The following CACNG3 variants were observed in gnomAD, a reference collection of about 807,000 sequenced individuals.
The protein encoded by CACNG3 is voltage-dependent calcium channel gamma-3 subunit.
A neutral mutation model predicts 28.5 loss-of-function variants in CACNG3; 3 were observed. The observed-to-expected ratio is 0.11, with a 90% CI of 0.05 to 0.27. The LOEUF (loss-of-function observed/expected upper bound fraction) is 0.27. Ranked by LOEUF, CACNG3 falls within the 10% of genes least tolerant of loss-of-function variation. The pLI, the probability that CACNG3 is intolerant of heterozygous loss-of-function variation, is 1.00. For missense variants in CACNG3, 236 were observed against 414.4 expected (o/e 0.57, Z 3.74); for synonymous variants, 174 against 162.2 (o/e 1.07, Z -0.55).
chr16:24,322,222 G>C (rs1899471685), intron 1 of CACNG3, among the ~76,000 whole-genome samples: 1 of 152,132 alleles, frequency 6.6e-6, no homozygotes, highest in African/African-American at 2.4e-5. Context: ...GGATTGAAAT[G>C]CTCACGTCAG....
chr16:24,346,905 GC>G, intron 2 of CACNG3, 88 bp downstream of exon 2: 1 of 979,076 alleles, frequency 1.0e-6, no homozygotes, highest in Non-Finnish European at 1.6e-6. Flanking sequence ...AGCTTCCTCA[GC>G]ATCTGTCCCT....
At chr16:24,263,840 G>A (rs1483490506) in intron 1 of CACNG3, among the ~76,000 whole-genome samples, 1 of 152,220 alleles carries the variant, frequency 6.6e-6, no homozygotes, top group Non-Finnish European at 1.5e-5. Flanking sequence ...CATTTGCTAA[G>A]ACAAACAATA....
At chr16:24,343,992 G>A (rs1225322863) in intron 1 of CACNG3, among the ~76,000 whole-genome samples, 6 of 152,112 alleles carry the variant, frequency 3.9e-5, no homozygotes, top group Non-Finnish European at 7.3e-5. Flanking sequence ...AGGCGGCTGA[G>A]GCAGGAGAAT....
At chr16:24,328,748 A>G (rs1027976113) in intron 1 of CACNG3, among the ~76,000 whole-genome samples, 16 of 152,298 alleles carry the variant, frequency 1.1e-4, no homozygotes, top group East Asian at 3.9e-4. Context: ...ATCAGCTGCA[A>G]AGGCCTGGCA....
chr16:24,318,648 A>C (rs1191441064), intron 1 of CACNG3, among the ~76,000 whole-genome samples: 3 of 152,108 alleles, frequency 2.0e-5, no homozygotes, highest in African/African-American at 7.2e-5. Context: ...AAGGATAATA[A>C]ATGTCCTTGT....
At chr16:24,300,460 C>A (rs1231842912) in intron 1 of CACNG3, among the ~76,000 whole-genome samples, 1 of 152,156 alleles carries the variant, frequency 6.6e-6, no homozygotes, top group African/African-American at 2.4e-5. Flanking sequence ...AACCAGAAAT[C>A]TACATTTTTG....
intron 1 of CACNG3, among the ~76,000 whole-genome samples, chr16:24,265,392 AAG>A (rs1898590646): frequency 1.3e-5 from 2 of 150,298 alleles, no homozygotes; most frequent in African/African-American, 4.9e-5. Context: ...GAAAAGAAAG[AAG>A]AAAGAAAGAA....
chr16:24,256,456 C>A lies in CACNG3; in HGVS notation c.-299C>A. The A allele has an allele frequency of 2.6e-6, 1 of 385,622 alleles. No individual in the cohort carries two copies. The highest frequency in any genetic ancestry group is 4.8e-6 in the Non-Finnish European group (1 of 207,942). The allele number at this position is 385,622 out of a possible 1,614,324, so 23.9% of individuals were successfully genotyped here. A position where few individuals can be genotyped will look rare whatever the true frequency, so the allele number is the denominator to read the frequency against. On this transcript the variant is annotated 5_prime_UTR_variant, in exon 1 of 4. Transcript: ENST00000005284. This position sits in a 1 kb window ranked among gnomAD's most constrained non-coding sequence, Gnocchi z 4.6. Reference sequence around the variant, plus strand: ...TCCGGAGCCATGCCCTGCACGGACCCTCGTCTTTACCACGCTCCTGAGGAA... The same window carrying A: ...TCCGGAGCCATGCCCTGCACGGACCATCGTCTTTACCACGCTCCTGAGGAA...
At chr16:24,335,823 C>T (rs1178800722) in intron 1 of CACNG3, among the ~76,000 whole-genome samples, 1 of 152,108 alleles carries the variant, frequency 6.6e-6, no homozygotes, top group Non-Finnish European at 1.5e-5. Context: ...CGCCTGTAAT[C>T]TCAGACTTTG....
intron 1 of CACNG3, among the ~76,000 whole-genome samples, chr16:24,288,809 A>G (rs1280927461): frequency 6.6e-6 from 1 of 152,124 alleles, no homozygotes; most frequent in Admixed American, 6.6e-5. Context: ...TGCAATCTGA[A>G]GCTGAAACAC....
intron 1 of CACNG3, among the ~76,000 whole-genome samples, chr16:24,293,568 A>C (rs753650982): frequency 6.6e-6 from 1 of 152,156 alleles, no homozygotes. Context: ...CTAAGAAACT[A>C]TGTCAGAATA....
At chr16:24,345,247 C>T (rs183558983) in intron 1 of CACNG3, among the ~76,000 whole-genome samples, 22 of 152,246 alleles carry the variant, frequency 1.4e-4, no homozygotes, top group African/African-American at 4.8e-4. Context: ...TCACAATGCC[C>T]GCCCCCCTGA....
intron 1 of CACNG3, among the ~76,000 whole-genome samples, chr16:24,322,746 G>T (rs1899481959): frequency 6.6e-6 from 1 of 152,038 alleles, no homozygotes; most frequent in South Asian, 2.1e-4. Flanking sequence ...TGCATATTGA[G>T]ACATATCTAT....
At chr16:24,312,618 CCAGCCTGGTAAA>C (rs1189266728) in intron 1 of CACNG3, among the ~76,000 whole-genome samples, 3 of 151,990 alleles carry the variant, frequency 2.0e-5, no homozygotes, top group Non-Finnish European at 4.4e-5. Flanking sequence ...GAATTTGAGA[CCAGCCTGGTAAA>C]CATACCAAGA....
intron 1 of CACNG3, among the ~76,000 whole-genome samples, chr16:24,332,480 G>A (rs1203193388): frequency 3.1e-5 from 4 of 130,302 alleles, no homozygotes; most frequent in South Asian, 2.6e-4. Context: ...AAAAAAAAAA[G>A]AATGAGAAAA....
chr16:24,305,530 T>C (rs1899174828), intron 1 of CACNG3, among the ~76,000 whole-genome samples: 1 of 151,960 alleles, frequency 6.6e-6, no homozygotes, highest in Non-Finnish European at 1.5e-5. Context: ...TATTTTACCA[T>C]CATTATTGGA....
At chr16:24,334,099 A>AAC (rs1327418337) in intron 1 of CACNG3, among the ~76,000 whole-genome samples, 2 of 152,214 alleles carry the variant, frequency 1.3e-5, no homozygotes, top group Non-Finnish European at 2.9e-5. Context: ...AGGAAGCATA[A>AAC]ACACAAATGA....
chr16:24,354,476 G>A (rs942042460), intron 2 of CACNG3, among the ~76,000 whole-genome samples: 13 of 152,260 alleles, frequency 8.5e-5, no homozygotes, highest in African/African-American at 3.1e-4. Context: ...CAGGGAGGCA[G>A]GGAGGTGGGA....
chr16:24,311,093 C>T (rs1379340864), intron 1 of CACNG3, among the ~76,000 whole-genome samples: 1 of 152,174 alleles, frequency 6.6e-6, no homozygotes, highest in Non-Finnish European at 1.5e-5. Context: ...AAGTTAAGAG[C>T]AAAAGCTCTA....
Sources: gnomAD v4.1 joint callset for allele counts (sites outside exome capture counted in the v4.1 genomes callset) on GRCh38, gnomAD v4.1.1 for gene constraint, Gnocchi (gnomAD v3.1) non-coding constraint, MANE v1.5 for transcripts, NCBI Gene and HGNC (gene_info 2026-07-23, HGNC 2026-07-21) for gene names.